The following SRPK1 variants were observed in gnomAD, a reference collection of about 807,000 sequenced individuals.
SRPK1 encodes SFRS protein kinase 1.
SRPK1 carries 52 observed loss-of-function variants against 89.5 expected under a neutral mutation model. That is an observed-to-expected ratio of 0.58 (90% CI 0.46 to 0.73). The LOEUF is 0.73. Among genes scored for constraint, SRPK1 ranks in the 30% least tolerant of loss-of-function variants. SRPK1 has a pLI of 0.00. For missense variants in SRPK1, 603 were observed against 780.6 expected, an observed-to-expected ratio of 0.77 and a Z score of 2.71; for synonymous variants, 255 against 270.2, an observed-to-expected ratio of 0.94 and a Z score of 0.55.
chr6:35,874,358 G>T lies in SRPK1; in HGVS notation c.479-19C>A. The T allele has an allele frequency of 1.3e-6, 2 of 1,549,492 alleles. No homozygotes were observed. Among genetic ancestry groups the T allele is most frequent in the Non-Finnish European group, 1.8e-6 (2 of 1,125,876 alleles). On this transcript the variant is annotated intron_variant, in intron 6 of 15. Transcript: ENST00000373825. ...CAGATATCTAGGAATTCATTAAGGA[G>T]GGAAAAAACGGCACAAAAGAAGAAC...
intron 2 of SRPK1, among the ~76,000 whole-genome samples, chr6:35,914,377 T>C (rs897008591): frequency 3.3e-5 from 5 of 152,222 alleles, no homozygotes; most frequent in Non-Finnish European, 7.3e-5. Context: ...AGGTATTTTA[T>C]AGATTACCAG....
intron 13 of SRPK1, among the ~76,000 whole-genome samples, chr6:35,845,089 T>C (rs1243311279): frequency 6.6e-6 from 1 of 152,064 alleles, no homozygotes; most frequent in African/African-American, 2.4e-5. Context: ...TATTTGACAT[T>C]ATGGAGACAA....
intron 7 of SRPK1, among the ~76,000 whole-genome samples, chr6:35,873,686 C>T (rs1160884586): frequency 4.0e-5 from 6 of 151,716 alleles, no homozygotes; most frequent in African/African-American, 9.7e-5. Flanking sequence ...GACGGGGTTT[C>T]GCACTGTTGG....
At chr6:35,857,018 A>G (rs911607361) in intron 13 of SRPK1, 23 of 416,220 alleles carry the variant, frequency 5.5e-5, no homozygotes, top group African/African-American at 3.0e-4. Context: ...ATTTCCCCCC[A>G]CTAACAATCT....
intron 14 of SRPK1, among the ~76,000 whole-genome samples, chr6:35,840,086 C>T (rs1769274924): frequency 6.6e-6 from 1 of 152,094 alleles, no homozygotes; most frequent in Admixed American, 6.5e-5. Context: ...GGATTACAGG[C>T]GTGAACCACC....
intron 14 of SRPK1, among the ~76,000 whole-genome samples, chr6:35,841,952 T>C (rs1270833865): frequency 1.3e-5 from 2 of 152,168 alleles, no homozygotes; most frequent in African/African-American, 4.8e-5. Context: ...CAGTTGCTGC[T>C]TCCACAGTCT....
At position 35,872,562 on chromosome 6, in the gene SRPK1, C is replaced by G. The variant is rs1451746896; in HGVS notation, c.751+1G>C. On this transcript the variant is annotated splice_donor_variant, in intron 8 of 15. Transcript: ENST00000373825. LOFTEE classifies it high-confidence loss of function. ...AGCGAAGTCCCTAAAAGAAAATACA[C>G]CTGCAGATCCGGAAGGCGGAGGAGC... The G allele has an allele frequency of 6.3e-7, 1 of 1,593,154 alleles. No homozygotes were observed. The highest frequency in any genetic ancestry group is 8.5e-7 in the Non-Finnish European group (1 of 1,172,744).
At chr6:35,843,899 T>C (rs1420004381) in intron 13 of SRPK1, among the ~76,000 whole-genome samples, 13 of 152,114 alleles carry the variant, frequency 8.5e-5, no homozygotes, top group South Asian at 6.2e-4. Context: ...GAGAGTGTCT[T>C]AGGAAATGAT....
At chr6:35,841,822 C>T (rs964648054) in intron 14 of SRPK1, among the ~76,000 whole-genome samples, 5 of 130,540 alleles carry the variant, frequency 3.8e-5, no homozygotes, top group Admixed American at 8.1e-5. Context: ...CAGAGTGAGA[C>T]TCCGTCTCAA....
At chr6:35,887,466 T>C (rs1770434971) in intron 5 of SRPK1, among the ~76,000 whole-genome samples, 2 of 152,180 alleles carry the variant, frequency 1.3e-5, no homozygotes, top group African/African-American at 4.8e-5. Flanking sequence ...ATGGAGGACA[T>C]ACCGGGGTAA....
At position 35,907,433 on chromosome 6, in the gene SRPK1, C is replaced by T. The variant is rs148120339; in HGVS notation, c.74+13035G>A. The stretch of plus-strand genomic sequence containing the variant: ...AAATAAGATGGAGTGAGGCTGGGCG[C>T]GATGGCTCACACCTGTAATCCCAGC... On this transcript the variant is annotated intron_variant, in intron 2 of 15. Coordinates refer to ENST00000373825, the MANE Select transcript of SRPK1 (RefSeq NM_003137.5). Among the ~76,000 whole-genome samples, 9 of 152,082 alleles carry T rather than the reference C, an allele frequency of 5.9e-5. No homozygotes were observed. The South Asian group carries it at 8.3e-4, about 14-fold the overall frequency.
At position 35,890,974 on chromosome 6, in the gene SRPK1, C is replaced by T. The variant is rs1368120124; in HGVS notation, c.114G>A (p.Glu38=). The T allele has an allele frequency of 6.4e-7, 1 of 1,553,548 alleles. No individual in the cohort carries two copies. The highest frequency in any genetic ancestry group is 2.0e-5 in the Admixed American group (1 of 51,140). The change falls in exon 3 of 16, where the codon GAG becomes GAA. Residue 38 remains glutamate (E), a synonymous_variant. Transcript: ENST00000373825. ...TQHRGSAPHS[E]SDLPEQEEEI... is the part of the protein sequence containing the mutation. ...CCTCTTCCTGCTCTGGTAGATCACTCTCAGAGTGGGGAGCAGAGCCTCGGT... is the reference window on the plus strand; with the variant it reads ...CCTCTTCCTGCTCTGGTAGATCACTTTCAGAGTGGGGAGCAGAGCCTCGGT...
intron 13 of SRPK1, among the ~76,000 whole-genome samples, chr6:35,852,652 C>T (rs991703181): frequency 5.9e-5 from 9 of 152,152 alleles, no homozygotes; most frequent in Admixed American, 3.3e-4. Context: ...CCGTTTCATT[C>T]GGGCAGCTCA....
chr6:35,838,307 C>G, intron 15 of SRPK1, 30 bp downstream of exon 15: 1 of 1,463,788 alleles, frequency 6.8e-7, no homozygotes, highest in Non-Finnish European at 9.2e-7. Flanking sequence ...ACTTCTGCCT[C>G]CTTAATGTCT....
At chr6:35,919,548 GCT>G (rs1771183378) in intron 2 of SRPK1, among the ~76,000 whole-genome samples, 2 of 152,192 alleles carry the variant, frequency 1.3e-5, no homozygotes, top group Non-Finnish European at 2.9e-5. Context: ...AGGCATACAA[GCT>G]CTCTCTGAAT....
rs1433969114 is a variant in SRPK1 at position 35,915,991 on chromosome 6, A to AAATAT, written c.74+4476_74+4477insATATT. On this transcript the variant is annotated intron_variant, in intron 2 of 15. Transcript: ENST00000373825. ...TGTCTCAAAAACAAAAAAAAAAAAA[A>AAATAT]ATATATACACACACACACACACACA... 2.0e-3 allele frequency among the ~76,000 whole-genome samples: 170 copies of AAATAT among 86,274 alleles called. 5 individuals carry two copies. The highest frequency in any genetic ancestry group is 2.6e-3 in the Non-Finnish European group (125 of 47,306). The allele number at this position is 86,274 out of a possible 152,430, so 56.6% of individuals were successfully genotyped here.
chr6:35,872,859 T>C (rs1230642323), intron 7 of SRPK1, 131 bp from the exon 8 acceptor site: 3 of 813,470 alleles, frequency 3.7e-6, no homozygotes, highest in Non-Finnish European at 5.4e-6. Context: ...AAAAGCACCT[T>C]TTAAAAAAGC....
chr6:35,865,461 T>C (rs1383535413), intron 12 of SRPK1, among the ~76,000 whole-genome samples: 2 of 151,986 alleles, frequency 1.3e-5, no homozygotes, highest in East Asian at 1.9e-4. Context: ...AAAATTCATA[T>C]GGAATAAAAA....
intron 2 of SRPK1, among the ~76,000 whole-genome samples, chr6:35,918,222 A>C (rs1375505411): frequency 6.6e-6 from 1 of 152,216 alleles, no homozygotes; most frequent in African/African-American, 2.4e-5. Flanking sequence ...GAAAAAGAGC[A>C]AGGTGCAGTG....
Sources: gnomAD v4.1 joint callset for allele counts (sites outside exome capture counted in the v4.1 genomes callset) on GRCh38, gnomAD v4.1.1 for gene constraint, MANE v1.5 for transcripts, NCBI Gene and HGNC (gene_info 2026-07-23, HGNC 2026-07-21) for gene names.